Variants in LDAH observed in about 807,000 individuals in gnomAD.
LDAH encodes lipid droplet associated hydrolase.
A neutral mutation model predicts 29.6 loss-of-function variants in LDAH; 26 were observed. The observed-to-expected ratio is 0.88, with a 90% CI of 0.64 to 1.22. The LOEUF (loss-of-function observed/expected upper bound fraction) is 1.22. Among genes scored for constraint, LDAH ranks in the 50% most tolerant of loss-of-function variants. The probability of loss-of-function intolerance (pLI) is 0.00; values close to 1 mark genes in which losing one functional copy is unlikely to be tolerated. For synonymous variants in LDAH, 117 were observed against 133.0 expected (o/e 0.88, Z 0.83); for missense variants, 344 against 387.3 (o/e 0.89, Z 0.94).
At chr2:20,761,870 AAG>A (rs543777598) in intron 4 of LDAH, among the ~76,000 whole-genome samples, 3 of 152,118 alleles carry the variant, frequency 2.0e-5, no homozygotes, top group Admixed American at 1.3e-4. Context: ...AAGAAAAAAA[AAG>A]AGAGAGAAAA....
chr2:20,767,837 A>G (rs1005800494), intron 4 of LDAH, among the ~76,000 whole-genome samples: 11 of 152,288 alleles, frequency 7.2e-5, no homozygotes, highest in South Asian at 6.2e-4. Context: ...CAGAGAGACA[A>G]TGGGATGACC....
rs767156232 is a variant in LDAH, at chr2:20,740,053, G to T, written c.621C>A (p.Ser207=). The change falls in exon 5 of 7, where the codon TCC becomes TCA. Residue 207 remains serine (S), a synonymous_variant. Transcript: ENST00000237822. ...LLKPCPETIK[S]LLIRRGLQVM... ...CTTGAAGGCCCCTTCTGATTAGCAA[G>T]GACTTGATTGTCTCAGGACACGGTT... The T allele has an allele frequency of 4.3e-6, 7 of 1,613,956 alleles. No homozygotes were observed.
At chr2:20,810,018 T>C (rs540511509) in intron 1 of LDAH, among the ~76,000 whole-genome samples, 7 of 152,366 alleles carry the variant, frequency 4.6e-5, no homozygotes, top group African/African-American at 1.7e-4. Flanking sequence ...CTATCTAAAA[T>C]ATTACTTTAA....
intron 4 of LDAH, among the ~76,000 whole-genome samples, chr2:20,769,917 A>G (rs1480586917): frequency 6.6e-6 from 1 of 152,222 alleles, no homozygotes; most frequent in African/African-American, 2.4e-5. Context: ...AGTAGGGAAG[A>G]GAAGAAGTAC....
chr2:20,808,509 A>T (rs1672240666), intron 1 of LDAH, among the ~76,000 whole-genome samples: 1 of 151,904 alleles, frequency 6.6e-6, no homozygotes, highest in Non-Finnish European at 1.5e-5. Context: ...TAAGAATACA[A>T]AAAAATTAGC....
intron 3 of LDAH, among the ~76,000 whole-genome samples, chr2:20,783,020 C>T (rs190875639): frequency 2.6e-5 from 4 of 152,270 alleles, no homozygotes; most frequent in Non-Finnish European, 4.4e-5. Context: ...AGTTGTATTT[C>T]CACTTTTATT....
chr2:20,772,455 A>T (rs1239205724), intron 4 of LDAH, among the ~76,000 whole-genome samples: 1 of 152,232 alleles, frequency 6.6e-6, no homozygotes, highest in African/African-American at 2.4e-5. Flanking sequence ...GCAACAATTT[A>T]TGTACATCCT....
Position 20,740,192 on chromosome 2 carries a change from A to C in LDAH, c.482T>G (p.Phe161Cys), listed in dbSNP as rs865775894. 6.2e-7 allele frequency: 1 copy of C among 1,613,340 alleles called. No homozygotes were observed. Among genetic ancestry groups the C allele is most frequent in the Middle Eastern group, 1.7e-4 (1 of 6,058 alleles). Residue 161 changes from phenylalanine (F) to cysteine (C), a missense_variant, in exon 5 of 7, where the codon TTT (phenylalanine) becomes TGT (cysteine). By Grantham distance (205) the Phe-to-Cys change is radical. Transcript: ENST00000237822. Reference protein sequence around the residue: ...RVPELPVIRAFLLFPTIERMS... With the variant: ...RVPELPVIRACLLFPTIERMS... ...TCGTTCAATTGTTGGAAAGAGCAGA[A>C]AGGCACGAATTACCTGCAATAAAGA... is the stretch of plus-strand genomic sequence containing the variant.
At chr2:20,722,792 T>C (rs1274240083) in intron 5 of LDAH, among the ~76,000 whole-genome samples, 1 of 152,176 alleles carries the variant, frequency 6.6e-6, no homozygotes, top group African/African-American at 2.4e-5. Flanking sequence ...TGGCACTATA[T>C]ACCTACTAGA....
At position 20,685,663 on chromosome 2, in the gene LDAH, A is replaced by C; in HGVS notation, c.*1240T>G. ...AATGCCATGAGGGATTTCCTCTAGG[A>C]GAAAAAGGAATATTTCTGATCCATG... On this transcript the variant is annotated 3_prime_UTR_variant, in exon 7 of 7. Transcript: ENST00000237822. 6.5e-7 allele frequency: 1 copy of C among 1,549,382 alleles called. No homozygotes were observed. Among genetic ancestry groups the C allele is most frequent in the Non-Finnish European group, 8.7e-7 (1 of 1,146,752 alleles).
At chr2:20,694,824 G>A (rs956769600) in intron 6 of LDAH, among the ~76,000 whole-genome samples, 24 of 152,154 alleles carry the variant, frequency 1.6e-4, no homozygotes, top group South Asian at 4.1e-4. Context: ...TCTCCTTTCC[G>A]TGTGGCTAAC....
chr2:20,689,052 T>C (rs984531121), intron 6 of LDAH, among the ~76,000 whole-genome samples: 5 of 151,888 alleles, frequency 3.3e-5, no homozygotes, highest in Non-Finnish European at 5.9e-5. Flanking sequence ...TGTGTTCTCA[T>C]TGTTCAACTC....
intron 4 of LDAH, among the ~76,000 whole-genome samples, chr2:20,757,634 T>C (rs1218613433): frequency 6.6e-6 from 1 of 152,196 alleles, no homozygotes; most frequent in Non-Finnish European, 1.5e-5. Context: ...TGTGAGGGTG[T>C]TTCTGGCTGA....
At chr2:20,789,072 G>A (rs918659119) in intron 3 of LDAH, 2 of 1,506,634 alleles carry the variant, frequency 1.3e-6, no homozygotes, top group Middle Eastern at 1.7e-4. Flanking sequence ...TCCCTTCTGT[G>A]CTACTCTTTC....
Position 20,686,341 on chromosome 2 carries a change from C to G in LDAH, c.*562G>C, listed in dbSNP as rs1662556863. Reference sequence around the variant, plus strand: ...ACATTAGACGTCACATTGATGATCTCAGCCAAGATCTGTGCTAAGTTAGCC... The same window carrying G: ...ACATTAGACGTCACATTGATGATCTGAGCCAAGATCTGTGCTAAGTTAGCC... On this transcript the variant is annotated 3_prime_UTR_variant, in exon 7 of 7. Coordinates refer to ENST00000237822, the MANE Select transcript of LDAH (RefSeq NM_021925.4). The G allele has an allele frequency of 6.6e-6, 1 of 152,570 alleles. No individual in the cohort carries two copies. The highest frequency in any genetic ancestry group is 1.5e-5 in the Non-Finnish European group (1 of 68,352). The allele number at this position is 152,570 out of a possible 1,614,324, so 9.5% of individuals were successfully genotyped here.
intron 3 of LDAH, among the ~76,000 whole-genome samples, chr2:20,781,549 A>G (rs1327267104): frequency 6.6e-6 from 1 of 152,198 alleles, no homozygotes; most frequent in African/African-American, 2.4e-5. Flanking sequence ...TATAGCATAC[A>G]TTTGCAAACA....
chr2:20,793,646 T>A (rs893000667), intron 2 of LDAH, among the ~76,000 whole-genome samples: 1 of 152,080 alleles, frequency 6.6e-6, no homozygotes, highest in African/African-American at 2.4e-5. Flanking sequence ...CTAAGTAACA[T>A]TAAAAGAGAT....
At chr2:20,773,991 G>A (rs867478189) in intron 4 of LDAH, among the ~76,000 whole-genome samples, 12 of 152,150 alleles carry the variant, frequency 7.9e-5, no homozygotes, top group African/African-American at 2.4e-4. Flanking sequence ...CAGACTCCAG[G>A]CTCTCCTACT....
chr2:20,774,383 A>G (rs1236924917), intron 4 of LDAH, among the ~76,000 whole-genome samples: 2 of 152,206 alleles, frequency 1.3e-5, no homozygotes, highest in Non-Finnish European at 2.9e-5. Context: ...TTCCATAAAG[A>G]CAGCTGTTTG....
Sources: gnomAD v4.1 joint callset for allele counts (sites outside exome capture counted in the v4.1 genomes callset) on GRCh38, gnomAD v4.1.1 for gene constraint, MANE v1.5 for transcripts, NCBI Gene and HGNC (gene_info 2026-07-23, HGNC 2026-07-21) for gene names.